The following CREBBP variants were observed in gnomAD, a reference collection of about 807,000 sequenced individuals.
CREBBP encodes CREB-binding protein.
In CREBBP, 19 loss-of-function variants were observed where a neutral mutation model predicts 265.0. The ratio of observed to expected loss-of-function variants is 0.07; its 90% CI spans 0.05 to 0.11. The LOEUF is 0.11. Ranked by LOEUF, CREBBP falls within the 10% of genes least tolerant of loss-of-function variation. The probability of loss-of-function intolerance (pLI) is 1.00; values close to 1 mark genes in which losing one functional copy is unlikely to be tolerated. For missense variants in CREBBP, 2,525 were observed against 3,219.0 expected, an observed-to-expected ratio of 0.78 and a Z score of 5.22; for synonymous variants, 1,457 against 1,223.7, an observed-to-expected ratio of 1.19 and a Z score of -3.98.
chr16:3,834,722 T>G (rs2061544059), intron 2 of CREBBP, among the ~76,000 whole-genome samples: 1 of 152,162 alleles, frequency 6.6e-6, no homozygotes, highest in African/African-American at 2.4e-5. Context: ...TGACAAACTG[T>G]ACCATTCTAG....
intron 1 of CREBBP, among the ~76,000 whole-genome samples, chr16:3,876,977 C>G (rs147510791): frequency 1.9e-4 from 29 of 152,284 alleles, no homozygotes; most frequent in Admixed American, 1.4e-3. Flanking sequence ...TCTCTCAGCT[C>G]ACTGCCACCC....
chr16:3,742,488 TCATC>T (rs1272163516), intron 23 of CREBBP: 21 of 152,352 alleles, frequency 1.4e-4, no homozygotes, highest in African/African-American at 4.8e-4. Flanking sequence ...ACTTGTATCT[TCATC>T]CATGGCGCAT....
intron 2 of CREBBP, among the ~76,000 whole-genome samples, chr16:3,823,008 G>T (rs1240218104): frequency 3.3e-5 from 5 of 152,126 alleles, no homozygotes; most frequent in Admixed American, 3.3e-4. Context: ...TACTGACAGA[G>T]AAAACGTTCC....
chr16:3,761,343 G>C (rs1002759936), intron 16 of CREBBP, among the ~76,000 whole-genome samples: 3 of 152,140 alleles, frequency 2.0e-5, no homozygotes, highest in Non-Finnish European at 2.9e-5. Context: ...GTTCCAGTTG[G>C]GAAGCGGCAA....
chr16:3,848,734 T>C (rs1319703504), intron 2 of CREBBP, among the ~76,000 whole-genome samples: 1 of 152,180 alleles, frequency 6.6e-6, no homozygotes, highest in Non-Finnish European at 1.5e-5. Context: ...AGTAGAGTGA[T>C]GAATGAACTG....
At position 3,774,882 on chromosome 16, in the gene CREBBP, T is replaced by A. The variant is rs1339136375; in HGVS notation, c.2159-189A>T. 7.9e-6 allele frequency: 6 copies of A among 762,904 alleles called. No individual in the cohort carries two copies. The East Asian group carries it at 1.7e-4, about 21-fold the overall frequency. The allele number at this position is 762,904 out of a possible 1,614,324, so 47.3% of individuals were successfully genotyped here. On this transcript the variant is annotated intron_variant, in intron 11 of 30. Transcript: ENST00000262367. ...TTCTCCATATCCAGAGAAAACGGCA[T>A]CAATGTGGGGGTGGTGACGGTGGCA...
intron 11 of CREBBP, among the ~76,000 whole-genome samples, chr16:3,776,043 C>T (rs894035847): frequency 3.3e-5 from 5 of 152,012 alleles, no homozygotes; most frequent in African/African-American, 7.2e-5. Context: ...CAGCCTCCCG[C>T]GTAGCTGGGA....
chr16:3,813,611 C>T (rs1224443709), intron 2 of CREBBP, among the ~76,000 whole-genome samples: 1 of 151,802 alleles, frequency 6.6e-6, no homozygotes, highest in African/African-American at 2.4e-5. Flanking sequence ...AGTTTTTTTT[C>T]CCCCAGTTCC....
rs534745917 is a variant in CREBBP at position 3,787,332 on chromosome 16, G to A, written c.1331-4406C>T. On this transcript the variant is annotated intron_variant, in intron 5 of 30. Coordinates refer to ENST00000262367, the MANE Select transcript of CREBBP (RefSeq NM_004380.3). ...TCTTCAGAAGCCAAGTGACACTGGC[G>A]CAGTGACACTGCTCCTTGCTAGCAA... Among the ~76,000 whole-genome samples the A allele has an allele frequency of 3.9e-4, 60 of 152,226 alleles. No homozygotes were observed. In the South Asian group the frequency reaches 0.011, roughly 29 times the overall value.
rs143526066 is a variant in CREBBP, at chr16:3,806,192, C to T, written c.975+4411G>A. On this transcript the variant is annotated intron_variant, in intron 3 of 30. Coordinates refer to ENST00000262367, the MANE Select transcript of CREBBP (RefSeq NM_004380.3). ...GCTCAGGTGCTACCAGTGTCACTGC[C>T]GCAGCTGTGATATTCTGGCAGGACA... 5.7e-3 allele frequency among the ~76,000 whole-genome samples: 868 copies of T among 152,202 alleles called. 4 individuals carry two copies. Among genetic ancestry groups the T allele is most frequent in the Non-Finnish European group, 9.1e-3 (617 of 68,002 alleles).
At chr16:3,806,581 T>C (rs540279615) in intron 3 of CREBBP, among the ~76,000 whole-genome samples, 20 of 152,054 alleles carry the variant, frequency 1.3e-4, no homozygotes, top group Non-Finnish European at 2.5e-4. Flanking sequence ...CGTATCCCAC[T>C]TCTACACGGC....
intron 2 of CREBBP, among the ~76,000 whole-genome samples, chr16:3,819,647 G>A (rs1225954193): frequency 3.3e-5 from 5 of 152,130 alleles, no homozygotes; most frequent in African/African-American, 1.2e-4. Context: ...GAAATACTCT[G>A]AAAAGGCCAT....
intron 3 of CREBBP, among the ~76,000 whole-genome samples, chr16:3,796,568 G>C (rs897107010): frequency 1.3e-5 from 2 of 151,918 alleles, no homozygotes; most frequent in Non-Finnish European, 2.9e-5. Context: ...TGTATTTTTA[G>C]TAGAGATGGG....
At chr16:3,784,763 T>C (rs988971700) in intron 5 of CREBBP, among the ~76,000 whole-genome samples, 1 of 152,142 alleles carries the variant, frequency 6.6e-6, no homozygotes, top group Non-Finnish European at 1.5e-5. Context: ...CCAAGTGCCA[T>C]CTACTTAACT....
At chr16:3,844,227 A>G (rs1475116838) in intron 2 of CREBBP, among the ~76,000 whole-genome samples, 1 of 152,050 alleles carries the variant, frequency 6.6e-6, no homozygotes, top group Non-Finnish European at 1.5e-5. Flanking sequence ...AAAAATTGAC[A>G]AAGCACAAAA....
At chr16:3,733,189 C>A (rs1463522731) in intron 28 of CREBBP, among the ~76,000 whole-genome samples, 1 of 151,708 alleles carries the variant, frequency 6.6e-6, no homozygotes, top group Admixed American at 6.6e-5. Context: ...GGTGAAACTC[C>A]GTCTCTACTA....
At position 3,829,668 on chromosome 16, in the gene CREBBP, C is replaced by T. The variant is rs547709361; in HGVS notation, c.799-18889G>A. ...GTTTAAAAACAAGCTTTGAGAGAAT[C>T]AAACTGATCTGAGTAATTAAGAGCC... On this transcript the variant is annotated intron_variant, in intron 2 of 30. Coordinates refer to ENST00000262367, the MANE Select transcript of CREBBP (RefSeq NM_004380.3). Among the ~76,000 whole-genome samples, 5 of 152,308 alleles carry T rather than the reference C, an allele frequency of 3.3e-5. No individual in the cohort carries two copies. In the South Asian group the frequency reaches 1.0e-3, roughly 32 times the overall value.
intron 1 of CREBBP, among the ~76,000 whole-genome samples, chr16:3,872,569 A>G (rs1409867588): frequency 6.6e-6 from 1 of 152,230 alleles, no homozygotes; most frequent in East Asian, 1.9e-4. Flanking sequence ...ATCCTTTTCC[A>G]GTTAAAGCAA....
intron 3 of CREBBP, among the ~76,000 whole-genome samples, chr16:3,796,775 TTGTTC>T (rs1289045670): frequency 6.6e-6 from 1 of 152,222 alleles, no homozygotes; most frequent in Non-Finnish European, 1.5e-5. Context: ...AATTTAAAAT[TTGTTC>T]TGTTATTTGT....
Sources: allele counts gnomAD v4.1 joint callset (sites outside exome capture counted in the v4.1 genomes callset), GRCh38; gene constraint gnomAD v4.1.1; transcripts MANE v1.5; gene names NCBI Gene and HGNC (gene_info 2026-07-23, HGNC 2026-07-21).